ZBED3: variants seen among roughly 807,000 people sequenced by gnomAD.
ZBED3 encodes the protein zinc finger BED-type containing 3.
For synonymous variants in ZBED3, 175 were observed against 180.0 expected (o/e 0.97, Z 0.22); for missense variants, 388 against 362.9 (o/e 1.07, Z -0.56).
intron 1 of ZBED3, among the ~76,000 whole-genome samples, chr5:77,083,907 G>A (rs1233505623): frequency 2.6e-5 from 4 of 152,126 alleles, no homozygotes; most frequent in Non-Finnish European, 5.9e-5. Flanking sequence ...CTGTGATAAC[G>A]CGTTTCTTCC....
At position 77,075,251 on chromosome 5, in the gene ZBED3, C is replaced by T. The variant is rs1742952577; in HGVS notation, c.*1923G>A. The T allele has an allele frequency of 6.6e-6, 1 of 152,196 alleles. No homozygotes were observed. The highest frequency in any genetic ancestry group is 2.4e-5 in the African/African-American group (1 of 41,442). 9.4% of individuals were successfully genotyped at this position (152,196 alleles called of 1,614,324 possible). On this transcript the variant is annotated 3_prime_UTR_variant, in exon 3 of 3. Transcript: ENST00000255198. Reference sequence around the variant, plus strand: ...CCAGAATAGAGGACATTTGCTAAGACAGCTGGCCTGGATGCTTCAAAAAGT... The same window carrying T: ...CCAGAATAGAGGACATTTGCTAAGATAGCTGGCCTGGATGCTTCAAAAAGT...
chr5:77,077,077 G>T lies in ZBED3; in HGVS notation c.*97C>A. 1 of 930,246 alleles carries T rather than the reference G, an allele frequency of 1.1e-6. No homozygotes were observed. Among genetic ancestry groups the T allele is most frequent in the Non-Finnish European group, 1.4e-6 (1 of 703,764 alleles). The allele number at this position is 930,246 out of a possible 1,614,324, so 57.6% of individuals were successfully genotyped here. A position where few individuals can be genotyped will look rare whatever the true frequency, so the allele number is the denominator to read the frequency against. On this transcript the variant is annotated 3_prime_UTR_variant, in exon 3 of 3. Transcript: ENST00000255198. ...AGCTTCCGAGTGAGTAGCGGCTGCG[G>T]GCCTGGCTTCGGTTACGGCTTCGGT...
chr5:77,076,020 TGTATATATATATG>T lies in ZBED3; in HGVS notation c.*1141_*1153del, dbSNP rs1742989883. 3.4e-5 allele frequency: 2 copies of T among 58,220 alleles called. No homozygotes were observed. The highest frequency in any genetic ancestry group is 1.2e-4 in the African/African-American group (2 of 16,316). The allele number at this position is 58,220 out of a possible 1,614,324, so 3.6% of individuals were successfully genotyped here. A position where few individuals can be genotyped will look rare whatever the true frequency, so the allele number is the denominator to read the frequency against. On this transcript the variant is annotated 3_prime_UTR_variant, in exon 3 of 3. Transcript: ENST00000255198. ...ATATATGTATATATATATGTATATA[TGTATATATATATG>T]TATATATGTATATATATATATAATA...
At position 77,082,355 on chromosome 5, in the gene ZBED3, T is replaced by C. The variant is rs751100515; in HGVS notation, c.-152-3627A>G. On this transcript the variant is annotated intron_variant, in intron 1 of 2. Transcript: ENST00000255198. ...CAGCACCAATAAACACAGTCTTGTATCAGGATGTTCACGTAGAATGACATC... is the reference window on the plus strand; with the variant it reads ...CAGCACCAATAAACACAGTCTTGTACCAGGATGTTCACGTAGAATGACATC... Among the ~76,000 whole-genome samples, 95 of 151,740 alleles carry C rather than the reference T, an allele frequency of 6.3e-4. 1 individual carries two copies. Among genetic ancestry groups the C allele is most frequent in the Non-Finnish European group, 9.1e-4 (62 of 67,980 alleles).
chr5:77,080,203 G>C (rs1164751452), intron 1 of ZBED3, among the ~76,000 whole-genome samples: 1 of 152,216 alleles, frequency 6.6e-6, no homozygotes, highest in East Asian at 1.9e-4. Flanking sequence ...CAAAGTCTGA[G>C]AGTCATCCTT....
In ZBED3 at chr5:77,076,906, CCA is replaced by C; in HGVS notation, c.*266_*267del. ...CTGGAGCTCTCGGGTGTCCCGTGTG[CCA>C]CCCCAATTCCTTGCGTGCATGCCCA... On this transcript the variant is annotated 3_prime_UTR_variant, in exon 3 of 3. Transcript: ENST00000255198. 1 of 295,664 alleles carries C rather than the reference CCA, an allele frequency of 3.4e-6. No individual in the cohort carries two copies. The highest frequency in any genetic ancestry group is 1.6e-4 in the South Asian group (1 of 6,348). 18.3% of individuals were successfully genotyped at this position (295,664 alleles called of 1,614,324 possible).
rs1743014490 is a variant in ZBED3 at position 77,076,799 on chromosome 5, G to A, written c.*375C>T. 1 of 174,000 alleles carries A rather than the reference G, an allele frequency of 5.7e-6. No homozygotes were observed. Among genetic ancestry groups the A allele is most frequent in the East Asian group, 1.5e-4 (1 of 6,694 alleles). 10.8% of individuals were successfully genotyped at this position (174,000 alleles called of 1,614,324 possible). A position where few individuals can be genotyped will look rare whatever the true frequency, so the allele number is the denominator to read the frequency against. On this transcript the variant is annotated 3_prime_UTR_variant, in exon 3 of 3. Coordinates refer to ENST00000255198, the MANE Select transcript of ZBED3 (RefSeq NM_032367.4). ...TGATAAGTCTTTGGTATGGAATGAA[G>A]CTCTATCCTTTCAAAGTCACCAGGT...
chr5:77,077,535 CAGGGCGCGGCAGGTGGGG>C lies in ZBED3; in HGVS notation c.326_343del (p.Ser109_Pro114del). 1 of 1,215,810 alleles carries C rather than the reference CAGGGCGCGGCAGGTGGGG, an allele frequency of 8.2e-7. No individual in the cohort carries two copies. Among genetic ancestry groups the C allele is most frequent in the Non-Finnish European group, 1.0e-6 (1 of 980,720 alleles). The allele number at this position is 1,215,810 out of a possible 1,614,324, so 75.3% of individuals were successfully genotyped here. A position where few individuals can be genotyped will look rare whatever the true frequency, so the allele number is the denominator to read the frequency against. ...CGCAGCGGGGCCGGGCGGCGGCGGG[CAGGGCGCGGCAGGTGGGG>C]AGCTCCCGGCGCCGCTGCTCTCCAG... On this transcript the variant is annotated inframe_deletion, in exon 3 of 3. Transcript: ENST00000255198.
At position 77,076,079 on chromosome 5, in the gene ZBED3, A is replaced by G. The variant is rs933251005; in HGVS notation, c.*1095T>C. 1 of 142,726 alleles carries G rather than the reference A, an allele frequency of 7.0e-6. No individual in the cohort carries two copies. Among genetic ancestry groups the G allele is most frequent in the Non-Finnish European group, 1.5e-5 (1 of 66,674 alleles). 8.8% of individuals were successfully genotyped at this position (142,726 alleles called of 1,614,324 possible). A position where few individuals can be genotyped will look rare whatever the true frequency, so the allele number is the denominator to read the frequency against. On this transcript the variant is annotated 3_prime_UTR_variant, in exon 3 of 3. Transcript: ENST00000255198. ...TAATATATACACACATAAAGAAAAA[A>G]AGAAAAGAAAACTGACCCAGAGTGA...
intron 1 of ZBED3, among the ~76,000 whole-genome samples, chr5:77,083,921 C>A (rs1743180747): frequency 6.6e-6 from 1 of 152,152 alleles, no homozygotes; most frequent in South Asian, 2.1e-4. Flanking sequence ...TTCTTCCTTA[C>A]CAAATACCCA....
intron 1 of ZBED3, among the ~76,000 whole-genome samples, chr5:77,080,821 T>C (rs1329423457): frequency 1.3e-5 from 2 of 152,150 alleles, no homozygotes; most frequent in African/African-American, 2.4e-5. Flanking sequence ...CATTAGGAGA[T>C]ATACCTAATG....
chr5:77,082,046 C>T (rs1743138705), intron 1 of ZBED3, among the ~76,000 whole-genome samples: 1 of 152,132 alleles, frequency 6.6e-6, no homozygotes, highest in Non-Finnish European at 1.5e-5. Flanking sequence ...GCAGGTGGAT[C>T]ACCTGAGGTC....
In ZBED3 at chr5:77,076,487, C is replaced by T. The variant is rs977309291; in HGVS notation, c.*687G>A. ...ATATGTGCCACACTTGTCATTAGGTCTGAAGCAAGGGAAGGATGGCCGAGG... is the reference window on the plus strand; with the variant it reads ...ATATGTGCCACACTTGTCATTAGGTTTGAAGCAAGGGAAGGATGGCCGAGG... On this transcript the variant is annotated 3_prime_UTR_variant, in exon 3 of 3. Transcript: ENST00000255198. 1 of 152,032 alleles carries T rather than the reference C, an allele frequency of 6.6e-6. No individual in the cohort carries two copies. Among genetic ancestry groups the T allele is most frequent in the African/African-American group, 2.4e-5 (1 of 41,328 alleles). 9.4% of individuals were successfully genotyped at this position (152,032 alleles called of 1,614,324 possible).
chr5:77,080,337 A>G (rs1451945684), intron 1 of ZBED3: 3 of 413,622 alleles, frequency 7.3e-6, no homozygotes, highest in Non-Finnish European at 1.4e-5. Flanking sequence ...ATCTGTTAGG[A>G]GTTAAAGTGG....
rs531601030 is a variant in ZBED3, at chr5:77,072,808, T to C, written c.*4366A>G. 18 of 152,338 alleles carry C rather than the reference T, an allele frequency of 1.2e-4. No individual in the cohort carries two copies. Among genetic ancestry groups the C allele is most frequent in the African/African-American group, 4.3e-4 (18 of 41,582 alleles). 9.4% of individuals were successfully genotyped at this position (152,338 alleles called of 1,614,324 possible). ...CTCTTGTGGGTTCCTTGGGAATGAT[T>C]TCAGGTGAGCAGCAGGAGCCCTTAA... On this transcript the variant is annotated 3_prime_UTR_variant, in exon 3 of 3. Transcript: ENST00000255198.
Position 77,073,858 on chromosome 5 carries a change from T to A in ZBED3, c.*3316A>T, listed in dbSNP as rs1030717453. 6.6e-6 allele frequency: 1 copy of A among 152,122 alleles called. No homozygotes were observed. The highest frequency in any genetic ancestry group is 2.4e-5 in the African/African-American group (1 of 41,398). The allele number at this position is 152,122 out of a possible 1,614,324, so 9.4% of individuals were successfully genotyped here. A position where few individuals can be genotyped will look rare whatever the true frequency, so the allele number is the denominator to read the frequency against. On this transcript the variant is annotated 3_prime_UTR_variant, in exon 3 of 3. Transcript: ENST00000255198. ...GGGTGAGTATACTCCCCACAAGGGC[T>A]CAGGGTCAGGCAGGGGAGGTGAGAT... is the stretch of plus-strand genomic sequence containing the variant.
rs201316388 is a variant in ZBED3, at chr5:77,076,049, A to ATG, written c.*1124_*1125insCA. 9.8e-3 allele frequency: 1,229 copies of ATG among 125,480 alleles called. 106 individuals carry two copies. Among genetic ancestry groups the ATG allele is most frequent in the Non-Finnish European group, 0.016 (934 of 59,824 alleles). 7.8% of individuals were successfully genotyped at this position (125,480 alleles called of 1,614,324 possible). On this transcript the variant is annotated 3_prime_UTR_variant, in exon 3 of 3. Transcript: ENST00000255198. ...TATATATATGTATATATGTATATATATATATAATATATACACACATAAAGA... is the reference window on the plus strand; with the variant it reads ...TATATATATGTATATATGTATATATATGTATATAATATATACACACATAAAGA...
Position 77,077,081 on chromosome 5 carries a change from TGGCTTCGGTTAC to T in ZBED3, c.*81_*92del, listed in dbSNP as rs1229600883. On this transcript the variant is annotated 3_prime_UTR_variant, in exon 3 of 3. Transcript: ENST00000255198. ...TCCGAGTGAGTAGCGGCTGCGGGCC[TGGCTTCGGTTAC>T]GGCTTCGGTCCCAGCGGGGTCTGAA... The T allele has an allele frequency of 1.9e-5, 19 of 993,560 alleles. No individual in the cohort carries two copies. Among genetic ancestry groups the T allele is most frequent in the East Asian group, 1.3e-4 (4 of 29,980 alleles). 61.5% of individuals were successfully genotyped at this position (993,560 alleles called of 1,614,324 possible). A position where few individuals can be genotyped will look rare whatever the true frequency, so the allele number is the denominator to read the frequency against.
chr5:77,082,492 C>T (rs1743148765), intron 1 of ZBED3, among the ~76,000 whole-genome samples: 1 of 152,066 alleles, frequency 6.6e-6, no homozygotes, highest in South Asian at 2.1e-4. Flanking sequence ...GAATATTATA[C>T]AGCCATTAAA....
Sources: gnomAD v4.1 joint callset for allele counts (sites outside exome capture counted in the v4.1 genomes callset) on GRCh38, gnomAD v4.1.1 for gene constraint, MANE v1.5 for transcripts, NCBI Gene and HGNC (gene_info 2026-07-23, HGNC 2026-07-21) for gene names.